The following HIVEP3 variants were observed in gnomAD, a reference collection of about 807,000 sequenced individuals.
HIVEP3 encodes transcription factor HIVEP3.
A neutral mutation model predicts 152.8 loss-of-function variants in HIVEP3; 49 were observed. The observed-to-expected ratio is 0.32, with a 90% CI of 0.26 to 0.41. HIVEP3 has a LOEUF of 0.41. Among genes scored for constraint, HIVEP3 ranks in the 10% least tolerant of loss-of-function variants. The probability of loss-of-function intolerance (pLI) is 1.00; values close to 1 mark genes in which losing one functional copy is unlikely to be tolerated. For synonymous variants in HIVEP3, 1,269 were observed against 1,289.0 expected (o/e 0.98, Z 0.33); for missense variants, 2,790 against 3,103.3 (o/e 0.90, Z 2.40).
intron 3 of HIVEP3, 62 bp from the exon 4 acceptor site, chr1:41,585,380 T>C: frequency 2.5e-6 from 1 of 398,762 alleles, no homozygotes; most frequent in Non-Finnish European, 4.4e-6. Context: ...ACAGAGTTAC[T>C]GGGACTCATG....
intron 1 of HIVEP3, among the ~76,000 whole-genome samples, chr1:42,035,571 G>A (rs916691854): frequency 6.6e-6 from 1 of 152,144 alleles, no homozygotes; most frequent in Non-Finnish European, 1.5e-5. Flanking sequence ...CCGGGAAGGG[G>A]GGCTCGGGAC....
At chr1:41,673,051 G>C (rs989691379) in intron 2 of HIVEP3, among the ~76,000 whole-genome samples, 2 of 152,236 alleles carry the variant, frequency 1.3e-5, no homozygotes, top group Admixed American at 6.5e-5. Flanking sequence ...TGGACATGGA[G>C]TTATTTGAAA....
chr1:41,853,476 A>G (rs959068134), intron 1 of HIVEP3, among the ~76,000 whole-genome samples: 1 of 152,140 alleles, frequency 6.6e-6, no homozygotes. Context: ...AAACCATCAG[A>G]TATTTCGAGA....
At chr1:42,001,399 C>T (rs1262662238) in intron 1 of HIVEP3, among the ~76,000 whole-genome samples, 1 of 152,166 alleles carries the variant, frequency 6.6e-6, no homozygotes, top group Non-Finnish European at 1.5e-5. Flanking sequence ...TCTCCTTTTC[C>T]ACAGATGCTG....
In HIVEP3 at chr1:41,573,579, A is replaced by G. The variant is rs141549074; in HGVS notation, c.5207+1965T>C. 9.6e-3 allele frequency among the ~76,000 whole-genome samples: 1,459 copies of G among 152,350 alleles called. 25 individuals are homozygous for G. The highest frequency in any genetic ancestry group is 0.033 in the African/African-American group (1,377 of 41,576). Reference sequence around the variant, plus strand: ...CTGACAGAACAGATGGGACTGTCCCAGACAGAGATTGACAAAATGGATATA... The same window carrying G: ...CTGACAGAACAGATGGGACTGTCCCGGACAGAGATTGACAAAATGGATATA... On this transcript the variant is annotated intron_variant, in intron 5 of 8. Coordinates refer to ENST00000372583, the MANE Select transcript of HIVEP3 (RefSeq NM_024503.5).
At chr1:41,712,719 G>T (rs1646532709) in intron 1 of HIVEP3, among the ~76,000 whole-genome samples, 1 of 152,194 alleles carries the variant, frequency 6.6e-6, no homozygotes. Flanking sequence ...TTGTATCACA[G>T]GCCAGAGCTG....
intron 1 of HIVEP3, among the ~76,000 whole-genome samples, chr1:41,950,430 T>C (rs975067921): frequency 1.3e-5 from 2 of 152,240 alleles, no homozygotes; most frequent in African/African-American, 4.8e-5. Flanking sequence ...CACCTTGGGC[T>C]TTGTATAACC....
intron 1 of HIVEP3, among the ~76,000 whole-genome samples, chr1:41,714,031 A>C (rs1646553716): frequency 6.6e-6 from 1 of 152,136 alleles, no homozygotes; most frequent in Non-Finnish European, 1.5e-5. Context: ...CTTCCAGAAG[A>C]CTGCCTCCTG....
At chr1:41,515,112 G>A (rs1446707641) in intron 7 of HIVEP3, among the ~76,000 whole-genome samples, 3 of 152,132 alleles carry the variant, frequency 2.0e-5, no homozygotes, top group African/African-American at 7.2e-5. Context: ...GGGTTGAGCT[G>A]GCCAGCCAGC....
At chr1:41,903,484 G>A (rs981457564) in intron 1 of HIVEP3, among the ~76,000 whole-genome samples, 1 of 152,242 alleles carries the variant, frequency 6.6e-6, no homozygotes, top group Non-Finnish European at 1.5e-5. Context: ...CTGAGGCCTT[G>A]TTATTCTGCA....
At chr1:41,979,827 T>A (rs1402805289) in intron 1 of HIVEP3, among the ~76,000 whole-genome samples, 1 of 152,200 alleles carries the variant, frequency 6.6e-6, no homozygotes, top group South Asian at 2.1e-4. Context: ...CCCTTCTTTA[T>A]AGGAGAAAAA....
intron 1 of HIVEP3, among the ~76,000 whole-genome samples, chr1:41,803,194 C>A (rs2124315447): frequency 6.6e-6 from 1 of 152,360 alleles, no homozygotes; most frequent in South Asian, 2.1e-4. Context: ...CAGACAAAAA[C>A]CCCAAAATAT....
At chr1:41,716,254 G>C (rs1646591899) in intron 1 of HIVEP3, among the ~76,000 whole-genome samples, 1 of 152,342 alleles carries the variant, frequency 6.6e-6, no homozygotes, top group African/African-American at 2.4e-5. Flanking sequence ...AGGCAGGGAG[G>C]CCCATGGGGA....
intron 1 of HIVEP3, among the ~76,000 whole-genome samples, chr1:41,895,763 C>T (rs952753089): frequency 1.3e-5 from 2 of 152,054 alleles, no homozygotes; most frequent in African/African-American, 4.8e-5. Context: ...GGGAACATCC[C>T]CCAGGAACAC....
At chr1:41,876,984 A>T (rs1203886061) in intron 1 of HIVEP3, among the ~76,000 whole-genome samples, 2 of 152,088 alleles carry the variant, frequency 1.3e-5, no homozygotes, top group Non-Finnish European at 2.9e-5. Flanking sequence ...ACCCCTCCTG[A>T]GTTTCAGTTT....
At chr1:41,810,460 T>C in intron 1 of HIVEP3, among the ~76,000 whole-genome samples, 1 of 152,194 alleles carries the variant, frequency 6.6e-6, no homozygotes, top group East Asian at 1.9e-4. Context: ...AATGTCCATC[T>C]TAGGTCCCTT....
At chr1:41,857,841 AT>A (rs1643810806) in intron 1 of HIVEP3, among the ~76,000 whole-genome samples, 1 of 152,114 alleles carries the variant, frequency 6.6e-6, no homozygotes, top group Non-Finnish European at 1.5e-5. Flanking sequence ...ATGTATGTTT[AT>A]TTTTCTAACT....
intron 1 of HIVEP3, among the ~76,000 whole-genome samples, chr1:41,975,586 A>T (rs1402639874): frequency 6.6e-6 from 1 of 152,186 alleles, no homozygotes; most frequent in Non-Finnish European, 1.5e-5. Context: ...AGTACAAAAA[A>T]CTTGATTTAT....
chr1:41,979,459 A>G (rs1210610676), intron 1 of HIVEP3, among the ~76,000 whole-genome samples: 2 of 152,242 alleles, frequency 1.3e-5, no homozygotes, highest in Non-Finnish European at 2.9e-5. Flanking sequence ...GCTCTCAGCT[A>G]AGTAATGGGA....
Sources: allele counts gnomAD v4.1 joint callset (sites outside exome capture counted in the v4.1 genomes callset), GRCh38; gene constraint gnomAD v4.1.1; transcripts MANE v1.5; gene names NCBI Gene and HGNC (gene_info 2026-07-23, HGNC 2026-07-21).